ERCC6: variants seen among roughly 807,000 people sequenced by gnomAD.
The protein encoded by ERCC6 is ERCC excision repair 6, chromatin remodeling factor.
Under a neutral mutation model 158.7 loss-of-function variants are expected in ERCC6, and 116 were observed. The observed-to-expected ratio is 0.73, with a 90% confidence interval of 0.63 to 0.85. The LOEUF (loss-of-function observed/expected upper bound fraction) is 0.85, where lower values mean the gene tolerates loss of function less well. Ranked by LOEUF, ERCC6 falls within the 40% of genes least tolerant of loss-of-function variation. The pLI is 0.00. For missense variants in ERCC6, 1,698 were observed against 1,799.4 expected (o/e 0.94, Z 1.02); for synonymous variants, 678 against 659.3 (o/e 1.03, Z -0.43).
downstream of ERCC6, among the ~76,000 whole-genome samples, chr10:49,453,579 T>C (rs140751504): frequency 8.5e-3 from 1,291 of 152,328 alleles, 22 homozygotes; most frequent in African/African-American, 0.029. Flanking sequence ...TATGCATTTA[T>C]GTGACTTTTA....
chr10:49,512,685 T>C (rs1159563268), intron 5 of ERCC6, among the ~76,000 whole-genome samples: 1 of 152,236 alleles, frequency 6.6e-6, no homozygotes, highest in Non-Finnish European at 1.5e-5. Context: ...ATATACACAA[T>C]GAGATATGTT....
In ERCC6 at chr10:49,456,044, T is replaced by C. The variant is rs1025692256; in HGVS notation, c.*2771A>G. 2.0e-5 allele frequency: 3 copies of C among 152,218 alleles called. No individual in the cohort carries two copies. The highest frequency in any genetic ancestry group is 6.5e-5 in the Admixed American group (1 of 15,286). The allele number at this position is 152,218 out of a possible 1,614,324, so 9.4% of individuals were successfully genotyped here. On this transcript the variant is annotated 3_prime_UTR_variant, in exon 21 of 21. Transcript: ENST00000355832. The stretch of plus-strand genomic sequence containing the variant: ...AGGAATAGAAATGTCTTGCATATAA[T>C]ATTAAATGAAAAGTTAGTTGCAAAA...
rs1456679939 is a variant in ERCC6 at position 49,459,519 on chromosome 10, TG to T, written c.4063-286del. On this transcript the variant is annotated intron_variant, in intron 20 of 20. Coordinates refer to ENST00000355832, the MANE Select transcript of ERCC6 (RefSeq NM_000124.4). ...CATGGTGGTGGACAGGAAGGCAGAGTGGAGGCTTCCAGGCAAGGTTTCAGGA... is the reference window on the plus strand; with the variant it reads ...CATGGTGGTGGACAGGAAGGCAGAGTGAGGCTTCCAGGCAAGGTTTCAGGA... Among the ~76,000 whole-genome samples, 3 of 152,014 alleles carry T rather than the reference TG, an allele frequency of 2.0e-5. No homozygotes were observed. In the East Asian group the frequency reaches 5.8e-4, roughly 29 times the overall value.
At chr10:49,493,373 G>A (rs962766868) in intron 7 of ERCC6, 121 bp from the exon 8 acceptor site, 56 of 1,210,118 alleles carry the variant, frequency 4.6e-5, no homozygotes, top group Non-Finnish European at 6.2e-5. Flanking sequence ...TGCTAACTAT[G>A]GAAATTTATT....
intron 10 of ERCC6, among the ~76,000 whole-genome samples, chr10:49,480,441 G>C (rs1475522979): frequency 1.3e-5 from 2 of 152,110 alleles, no homozygotes; most frequent in African/African-American, 2.4e-5. Context: ...TATCTTCTTA[G>C]AATTCAATAA....
intron 2 of ERCC6, among the ~76,000 whole-genome samples, chr10:49,531,102 C>T (rs948493141): frequency 6.6e-6 from 1 of 152,164 alleles, no homozygotes; most frequent in African/African-American, 2.4e-5. Flanking sequence ...AGTCATTCTA[C>T]AAGCATTATT....
At chr10:49,444,946 G>A in the ERCC6 span, among the ~76,000 whole-genome samples, 52 of 152,124 alleles carry the variant, frequency 3.4e-4, 1 homozygote, top group Admixed American at 2.9e-3. Flanking sequence ...TATTAAAAGC[G>A]AAATATATCA....
chr10:49,523,996 A>G, intron 5 of ERCC6, 37 bp downstream of exon 5: 1 of 1,610,244 alleles, frequency 6.2e-7, no homozygotes, highest in South Asian at 1.1e-5. Context: ...AAGATAAAGC[A>G]AACAGTACAA....
chr10:49,534,423 C>T (rs1369077548), intron 1 of ERCC6, among the ~76,000 whole-genome samples: 2 of 152,326 alleles, frequency 1.3e-5, no homozygotes, highest in East Asian at 3.9e-4. Context: ...TAGTGCAGCA[C>T]ATTTTTAATA....
intron 13 of ERCC6, 128 bp from the exon 14 acceptor site, chr10:49,473,715 C>T (rs975782033): frequency 2.7e-6 from 2 of 750,332 alleles, no homozygotes; most frequent in Admixed American, 3.7e-5. Context: ...TGCTTTAGGA[C>T]AGATAAACAG....
intron 10 of ERCC6, among the ~76,000 whole-genome samples, chr10:49,482,123 G>A (rs373146281): frequency 2.0e-4 from 31 of 152,112 alleles, no homozygotes; most frequent in Middle Eastern, 3.2e-3. Context: ...TCTTCACTGC[G>A]CCCTGCCACA....
In ERCC6 at chr10:49,458,777, TA is replaced by T; in HGVS notation, c.*37del. 6.2e-7 allele frequency: 1 copy of T among 1,603,804 alleles called. No individual in the cohort carries two copies. The highest frequency in any genetic ancestry group is 8.5e-7 in the Non-Finnish European group (1 of 1,170,778). Reference sequence around the variant, plus strand: ...TAAATTAATAATCAGAAATGCCCGTTAGAAAAAGGGACTTGAAAGTTTAGGA... The same window carrying T: ...TAAATTAATAATCAGAAATGCCCGTTGAAAAAGGGACTTGAAAGTTTAGGA... On this transcript the variant is annotated 3_prime_UTR_variant, in exon 21 of 21. Coordinates refer to ENST00000355832, the MANE Select transcript of ERCC6 (RefSeq NM_000124.4).
the ERCC6 span, among the ~76,000 whole-genome samples, chr10:49,448,311 T>G: frequency 6.6e-6 from 1 of 152,238 alleles, no homozygotes; most frequent in Non-Finnish European, 1.5e-5. Context: ...CATCTTTTCA[T>G]GTGCTTTTTG....
chr10:49,509,020 T>C (rs1851492304), intron 5 of ERCC6, among the ~76,000 whole-genome samples: 2 of 152,160 alleles, frequency 1.3e-5, no homozygotes, highest in Admixed American at 1.3e-4. Flanking sequence ...GGGTTTGACA[T>C]ATGCAGAAGT....
At chr10:49,460,524 C>T in intron 19 of ERCC6, 73 bp from the exon 20 acceptor site, 1 of 1,013,708 alleles carries the variant, frequency 9.9e-7, no homozygotes, top group Non-Finnish European at 1.6e-6. Flanking sequence ...ATTCTTTCAA[C>T]AATGAACTTC....
At chr10:49,460,989 A>G (rs1850571782) in intron 19 of ERCC6, among the ~76,000 whole-genome samples, 1 of 152,216 alleles carries the variant, frequency 6.6e-6, no homozygotes, top group African/African-American at 2.4e-5. Flanking sequence ...TCCAAGTAGG[A>G]AAATCATTCT....
chr10:49,438,208 A>T, the ERCC6 span, among the ~76,000 whole-genome samples: 1 of 152,170 alleles, frequency 6.6e-6, no homozygotes, highest in East Asian at 1.9e-4. Context: ...ATACACGTCA[A>T]CTTTAGAAGG....
At chr10:49,526,117 T>TTATTTATATA (rs1837327391) in intron 4 of ERCC6, among the ~76,000 whole-genome samples, 1 of 43,590 alleles carries the variant, frequency 2.3e-5, no homozygotes, top group Non-Finnish European at 5.1e-5. Flanking sequence ...TTATATATTT[T>TTATTTATATA]TATATATATA....
chr10:49,533,096 C>T, intron 1 of ERCC6, 118 bp from the exon 2 acceptor site: 1 of 1,251,632 alleles, frequency 8.0e-7, no homozygotes, highest in Admixed American at 2.6e-5. Flanking sequence ...CTTCCAACTA[C>T]ATAAATTCAA....
Sources: allele counts gnomAD v4.1 joint callset (sites outside exome capture counted in the v4.1 genomes callset), GRCh38; gene constraint gnomAD v4.1.1; transcripts MANE v1.5; gene names NCBI Gene and HGNC (gene_info 2026-07-23, HGNC 2026-07-21).